Variants in GPR39 observed in about 807,000 individuals in gnomAD.
The protein encoded by GPR39 is zinc sensing receptor.
A neutral mutation model predicts 18.4 loss-of-function variants in GPR39; 23 were observed. That is an observed-to-expected ratio of 1.25 (90% CI 0.90 to 1.77). The LOEUF (loss-of-function observed/expected upper bound fraction) is 1.77. GPR39 is among the 40% of genes most tolerant of loss of function. The pLI is 0.00. For missense variants in GPR39, 647 were observed against 602.4 expected, an observed-to-expected ratio of 1.07 and a Z score of -0.78; for synonymous variants, 280 against 257.9, an observed-to-expected ratio of 1.09 and a Z score of -0.82.
chr2:132,629,266 C>T (rs549602471), intron 1 of GPR39, among the ~76,000 whole-genome samples: 1 of 152,298 alleles, frequency 6.6e-6, no homozygotes, highest in East Asian at 1.9e-4. Flanking sequence ...ATCTGGATGT[C>T]TTGTTAAAAT....
At chr2:132,456,828 G>A (rs1362108123) in intron 1 of GPR39, among the ~76,000 whole-genome samples, 1 of 152,198 alleles carries the variant, frequency 6.6e-6, no homozygotes, top group African/African-American at 2.4e-5. Context: ...CTGGCTTGTA[G>A]GGTTTCTGCC....
chr2:132,632,956 A>G (rs1189963710), intron 1 of GPR39, among the ~76,000 whole-genome samples: 1 of 152,188 alleles, frequency 6.6e-6, no homozygotes, highest in Non-Finnish European at 1.5e-5. Context: ...CACACAGTTA[A>G]TAAGTAGTGG....
At chr2:132,623,890 C>G (rs1681492137) in intron 1 of GPR39, among the ~76,000 whole-genome samples, 1 of 152,142 alleles carries the variant, frequency 6.6e-6, no homozygotes, top group East Asian at 1.9e-4. Context: ...CAGCCTGGAG[C>G]TGATGCTCCA....
At chr2:132,568,939 A>G (rs1208323728) in intron 1 of GPR39, among the ~76,000 whole-genome samples, 1 of 152,108 alleles carries the variant, frequency 6.6e-6, no homozygotes, top group African/African-American at 2.4e-5. Context: ...GGCTTTGGGC[A>G]GTGAACGAAG....
intron 1 of GPR39, among the ~76,000 whole-genome samples, chr2:132,462,752 CCT>C (rs149699809): frequency 0.015 from 2,314 of 152,242 alleles, 52 homozygotes; most frequent in East Asian, 0.074. Context: ...AATCACTTCA[CCT>C]CTCTCTGCCT....
chr2:132,507,333 A>G (rs1262530032), intron 1 of GPR39, among the ~76,000 whole-genome samples: 1 of 152,202 alleles, frequency 6.6e-6, no homozygotes, highest in African/African-American at 2.4e-5. Context: ...GAGATAGAAG[A>G]AGTCTTAAAA....
intron 1 of GPR39, among the ~76,000 whole-genome samples, chr2:132,586,930 T>C (rs1217648046): frequency 6.6e-6 from 1 of 152,236 alleles, no homozygotes; most frequent in East Asian, 1.9e-4. Context: ...CATCAGAAAA[T>C]ATCTCTGATG....
At chr2:132,614,156 G>C (rs1055746616) in intron 1 of GPR39, among the ~76,000 whole-genome samples, 5 of 150,612 alleles carry the variant, frequency 3.3e-5, no homozygotes, top group Non-Finnish European at 5.9e-5. Flanking sequence ...CAGAATTGCA[G>C]TGTCTTGAGG....
intron 1 of GPR39, among the ~76,000 whole-genome samples, chr2:132,620,432 C>A (rs1304073005): frequency 2.6e-5 from 4 of 152,184 alleles, no homozygotes; most frequent in Non-Finnish European, 5.9e-5. Flanking sequence ...GTCACCCCTC[C>A]CATCTCAGTT....
At chr2:132,632,447 G>A (rs1224872577) in intron 1 of GPR39, among the ~76,000 whole-genome samples, 1 of 152,090 alleles carries the variant, frequency 6.6e-6, no homozygotes, top group African/African-American at 2.4e-5. Context: ...CTGAACTTGT[G>A]GCCATTTCAA....
intron 1 of GPR39, among the ~76,000 whole-genome samples, chr2:132,523,335 A>G (rs1283990660): frequency 1.3e-5 from 2 of 152,368 alleles, no homozygotes; most frequent in Non-Finnish European, 2.9e-5. Context: ...TCAGAAAACA[A>G]TGAACAATCC....
intron 1 of GPR39, among the ~76,000 whole-genome samples, chr2:132,453,694 A>G (rs978651626): frequency 2.6e-5 from 4 of 152,226 alleles, no homozygotes; most frequent in Non-Finnish European, 5.9e-5. Flanking sequence ...AGCTTTCTGC[A>G]TATGGCTAGT....
At chr2:132,560,894 T>C (rs1680239704) in intron 1 of GPR39, among the ~76,000 whole-genome samples, 1 of 151,162 alleles carries the variant, frequency 6.6e-6, no homozygotes, top group Non-Finnish European at 1.5e-5. Flanking sequence ...CATTTTGTTT[T>C]TTTTTGTTTT....
At chr2:132,540,560 C>A (rs1271717024) in intron 1 of GPR39, among the ~76,000 whole-genome samples, 1 of 152,218 alleles carries the variant, frequency 6.6e-6, no homozygotes, top group Admixed American at 6.5e-5. Context: ...CGGAGCATCA[C>A]CCTTTAAGAA....
chr2:132,586,049 T>A (rs1456658139), intron 1 of GPR39, among the ~76,000 whole-genome samples: 1 of 147,932 alleles, frequency 6.8e-6, no homozygotes, highest in Non-Finnish European at 1.5e-5. Flanking sequence ...GATTCACGGC[T>A]GCTGCCGCTG....
At chr2:132,623,699 G>A (rs1421070516) in intron 1 of GPR39, among the ~76,000 whole-genome samples, 3 of 152,160 alleles carry the variant, frequency 2.0e-5, no homozygotes, top group African/African-American at 7.2e-5. Flanking sequence ...GGCTGGGTAA[G>A]ATGATCTCTG....
At chr2:132,640,227 G>A (rs1048011095) in intron 1 of GPR39, among the ~76,000 whole-genome samples, 1 of 152,216 alleles carries the variant, frequency 6.6e-6, no homozygotes, top group Non-Finnish European at 1.5e-5. Flanking sequence ...AGCCTGCAGA[G>A]CTTAATGCAC....
intron 1 of GPR39, among the ~76,000 whole-genome samples, chr2:132,553,315 G>A (rs928013782): frequency 2.8e-5 from 4 of 141,664 alleles, no homozygotes; most frequent in Non-Finnish European, 4.6e-5. Flanking sequence ...ATGTATATAT[G>A]TGTGTGTGTG....
chr2:132,615,627 C>T (rs1681320547), intron 1 of GPR39, among the ~76,000 whole-genome samples: 1 of 152,156 alleles, frequency 6.6e-6, no homozygotes, highest in Admixed American at 6.5e-5. Flanking sequence ...GGTGGTAGGT[C>T]ACTAATTGTA....
Sources: gnomAD v4.1 joint callset for allele counts (sites outside exome capture counted in the v4.1 genomes callset) on GRCh38, gnomAD v4.1.1 for gene constraint, MANE v1.5 for transcripts, NCBI Gene and HGNC (gene_info 2026-07-23, HGNC 2026-07-21) for gene names.